Variants in CRK observed in about 807,000 individuals in gnomAD.
CRK encodes the protein adapter molecule crk.
Under a neutral mutation model 29.8 loss-of-function variants are expected in CRK, and 4 were observed. That is an observed-to-expected ratio of 0.13 (90% CI 0.07 to 0.31). The LOEUF (loss-of-function observed/expected upper bound fraction) is 0.31, where lower values mean the gene tolerates loss of function less well. Ranked by LOEUF, CRK falls within the 10% of genes least tolerant of loss-of-function variation. The pLI is 1.00. For synonymous variants in CRK, 153 were observed against 164.9 expected (o/e 0.93, Z 0.55); for missense variants, 274 against 396.5 (o/e 0.69, Z 2.62).
intron 1 of CRK, among the ~76,000 whole-genome samples, chr17:1,440,253 C>T (rs916278480): frequency 6.6e-6 from 1 of 151,138 alleles, no homozygotes; most frequent in Non-Finnish European, 1.5e-5. Flanking sequence ...GAGCCGAGAT[C>T]GCGCCACTGC....
chr17:1,452,479 A>C (rs551993147), intron 1 of CRK, among the ~76,000 whole-genome samples: 3 of 152,294 alleles, frequency 2.0e-5, no homozygotes, highest in African/African-American at 7.2e-5. Context: ...TGTGAGGTAC[A>C]AAGTAATTCT....
chr17:1,423,272 C>A lies in CRK; in HGVS notation c.*241G>T, dbSNP rs62089594. 1 of 569,602 alleles carries A rather than the reference C, an allele frequency of 1.8e-6. No individual in the cohort carries two copies. Among genetic ancestry groups the A allele is most frequent in the South Asian group, 2.4e-5 (1 of 42,242 alleles). The allele number at this position is 569,602 out of a possible 1,614,324, so 35.3% of individuals were successfully genotyped here. On this transcript the variant is annotated 3_prime_UTR_variant, in exon 3 of 3. Coordinates refer to ENST00000300574, the MANE Select transcript of CRK (RefSeq NM_016823.4). ...ACCTATCCCTTCTGATACACACAGG[C>A]ACGACCACTACCGCCTCCAATTGCC...
chr17:1,437,002 T>A lies in CRK; in HGVS notation c.395A>T (p.Glu132Val). ...GAGGGCTCGCACATACTCCGCCTCC[T>A]CCTGCCTGAGAATCACTCCACTACC... ...RQGSGVILRQ[E>V]EAEYVRALFD... Residue 132 changes from glutamate to valine, a missense_variant, in exon 2 of 3, where the codon GAG becomes GTG. By Grantham distance (121) the Glu-to-Val change is moderately radical. Transcript: ENST00000300574. 4 of 1,614,132 alleles carry A rather than the reference T, an allele frequency of 2.5e-6. No homozygotes were observed. The highest frequency in any genetic ancestry group is 3.4e-6 in the Non-Finnish European group (4 of 1,180,016).
chr17:1,434,628 C>A (rs567338876), intron 2 of CRK, among the ~76,000 whole-genome samples: 1 of 151,908 alleles, frequency 6.6e-6, no homozygotes. Flanking sequence ...ACTAAAAATA[C>A]AAAAATTAGC....
intron 2 of CRK, among the ~76,000 whole-genome samples, chr17:1,428,761 A>T (rs912129996): frequency 6.7e-5 from 10 of 149,094 alleles, no homozygotes; most frequent in Non-Finnish European, 1.5e-4. Context: ...TGACCTCGTG[A>T]TCTGCTCACC....
At position 1,422,012 on chromosome 17, in the gene CRK, TG is replaced by T. The variant is rs35262526; in HGVS notation, c.*1500del. On this transcript the variant is annotated 3_prime_UTR_variant, in exon 3 of 3. Transcript: ENST00000300574. ...CCATATAAATCATTCCATACTTAAATGGGTTTGTAAACTAAACCTGAACATA... is the reference window on the plus strand; with the variant it reads ...CCATATAAATCATTCCATACTTAAATGGTTTGTAAACTAAACCTGAACATA... 10 of 152,074 alleles carry T rather than the reference TG, an allele frequency of 6.6e-5. No homozygotes were observed. In the South Asian group the frequency reaches 1.2e-3, roughly 19 times the overall value. The allele number at this position is 152,074 out of a possible 1,614,324, so 9.4% of individuals were successfully genotyped here.
At chr17:1,437,344 G>A (rs542938170) in intron 1 of CRK, among the ~76,000 whole-genome samples, 189 bp from the exon 2 acceptor site, 18 of 152,056 alleles carry the variant, frequency 1.2e-4, no homozygotes, top group Admixed American at 2.6e-4. Context: ...CCACCACTGT[G>A]CCTGGCCGAA....
intron 2 of CRK, among the ~76,000 whole-genome samples, chr17:1,430,165 C>T (rs751864698): frequency 4.0e-5 from 6 of 151,632 alleles, no homozygotes; most frequent in African/African-American, 9.7e-5. Context: ...CTGCCTCAGC[C>T]TCCCACGTAG....
At chr17:1,443,247 G>A (rs1329546060) in intron 1 of CRK, among the ~76,000 whole-genome samples, 2 of 152,000 alleles carry the variant, frequency 1.3e-5, no homozygotes, top group African/African-American at 2.4e-5. Flanking sequence ...CTCTCAAAGT[G>A]TTGGGATTAC....
chr17:1,451,251 A>G (rs1260284216), intron 1 of CRK, among the ~76,000 whole-genome samples: 1 of 149,062 alleles, frequency 6.7e-6, no homozygotes, highest in African/African-American at 2.5e-5. Context: ...CATTGACTTT[A>G]GATAGCAGAT....
chr17:1,428,282 C>G (rs1291152695), intron 2 of CRK, among the ~76,000 whole-genome samples: 2 of 151,288 alleles, frequency 1.3e-5, no homozygotes, highest in African/African-American at 4.9e-5. Context: ...CCACGCCCAG[C>G]TGATTTTTGT....
chr17:1,425,787 T>A (rs1334467675), intron 2 of CRK, among the ~76,000 whole-genome samples: 1 of 152,222 alleles, frequency 6.6e-6, no homozygotes, highest in East Asian at 1.9e-4. Flanking sequence ...TGAAGAACTC[T>A]CTAAAAATTA....
rs190950910 is a variant in CRK, at chr17:1,432,941, T to C, written c.777+3679A>G. 2.0e-5 allele frequency among the ~76,000 whole-genome samples: 3 copies of C among 152,268 alleles called. 1 individual carries two copies. Among genetic ancestry groups the C allele is most frequent in the African/African-American group, 7.2e-5 (3 of 41,566 alleles). ...CTAAAATATAACAAGCATCCTTTCA[T>C]CTTCACTTTTTTAGGAAGCAAGTCC... On this transcript the variant is annotated intron_variant, in intron 2 of 2. Transcript: ENST00000300574.
intron 1 of CRK, among the ~76,000 whole-genome samples, chr17:1,447,178 C>T (rs377722341): frequency 4.5e-4 from 68 of 152,074 alleles, no homozygotes; most frequent in Middle Eastern, 6.8e-3. Context: ...CTCCTTCCAA[C>T]CACAAACAGC....
At chr17:1,446,295 T>C (rs1362436445) in intron 1 of CRK, among the ~76,000 whole-genome samples, 1 of 152,160 alleles carries the variant, frequency 6.6e-6, no homozygotes, top group Non-Finnish European at 1.5e-5. Flanking sequence ...AATAACGCAC[T>C]GTGTCCTGAG....
At chr17:1,446,950 C>T (rs1031699024) in intron 1 of CRK, among the ~76,000 whole-genome samples, 1 of 152,124 alleles carries the variant, frequency 6.6e-6, no homozygotes, top group South Asian at 2.1e-4. Context: ...CAAAACGCCA[C>T]GGAAAACCTT....
At chr17:1,431,067 A>AAAACAAACAAAC (rs11273899) in intron 2 of CRK, among the ~76,000 whole-genome samples, 2,192 of 150,676 alleles carry the variant, frequency 0.015, 42 homozygotes, top group African/African-American at 0.038. Context: ...ACTCCGTCTC[A>AAAACAAACAAAC]AAACAAACAA....
chr17:1,423,030 C>G lies in CRK; in HGVS notation c.*483G>C, dbSNP rs543105398. On this transcript the variant is annotated 3_prime_UTR_variant, in exon 3 of 3. Coordinates refer to ENST00000300574, the MANE Select transcript of CRK (RefSeq NM_016823.4). ...CAGAATGAGTCACACGCTGGTCATG[C>G]TCCATACAATGAAAGCAATCCTGCT... is the stretch of plus-strand genomic sequence containing the variant. The G allele has an allele frequency of 8.7e-5, 35 of 400,094 alleles. No individual in the cohort carries two copies. Among genetic ancestry groups the G allele is most frequent in the Non-Finnish European group, 1.5e-4 (34 of 226,878 alleles). The allele number at this position is 400,094 out of a possible 1,614,324, so 24.8% of individuals were successfully genotyped here. A position where few individuals can be genotyped will look rare whatever the true frequency, so the allele number is the denominator to read the frequency against.
At chr17:1,452,547 G>A (rs1165676062) in intron 1 of CRK, among the ~76,000 whole-genome samples, 2 of 152,132 alleles carry the variant, frequency 1.3e-5, no homozygotes, top group African/African-American at 2.4e-5. Context: ...CAGCACTTTG[G>A]GAGGCCGAGG....
Sources: allele counts gnomAD v4.1 joint callset (sites outside exome capture counted in the v4.1 genomes callset), GRCh38; gene constraint gnomAD v4.1.1; transcripts MANE v1.5; gene names NCBI Gene and HGNC (gene_info 2026-07-23, HGNC 2026-07-21).